RUNX3: variants seen among roughly 807,000 people sequenced by gnomAD.
RUNX3 encodes RUNX family transcription factor 3, also known as runt-related transcription factor 3.
Under a neutral mutation model 27.7 loss-of-function variants are expected in RUNX3, and 10 were observed. The observed-to-expected ratio is 0.36, with a 90% CI of 0.22 to 0.61. The LOEUF (loss-of-function observed/expected upper bound fraction) is 0.61, where lower values mean the gene tolerates loss of function less well. RUNX3 is among the 20% of genes least tolerant of loss of function. RUNX3 has a pLI of 0.72. For missense variants in RUNX3, 469 were observed against 629.5 expected (o/e 0.75, Z 2.73); for synonymous variants, 270 against 269.2 (o/e 1.00, Z -0.03).
chr1:24,956,858 G>A (rs1347628973), intron 2 of RUNX3, among the ~76,000 whole-genome samples: 2 of 152,096 alleles, frequency 1.3e-5, no homozygotes, highest in Admixed American at 6.5e-5. Context: ...TTCTCCAAGC[G>A]TTCCGTCCCC....
rs1161430632 is a variant in RUNX3 at position 24,901,040 on chromosome 1, T to G, written c.*1082A>C. ...TTGTTTTTTTTTTGTTTTTTTGTTT[T>G]TTTTTTTTTTTTGCTCAGGACTATT... On this transcript the variant is annotated 3_prime_UTR_variant, in exon 5 of 5. Coordinates refer to ENST00000308873, the MANE Select transcript of RUNX3 (RefSeq NM_004350.3). 4 of 144,568 alleles carry G rather than the reference T, an allele frequency of 2.8e-5. No homozygotes were observed. Among genetic ancestry groups the G allele is most frequent in the African/African-American group, 1.1e-4 (4 of 36,118 alleles). 9.0% of individuals were successfully genotyped at this position (144,568 alleles called of 1,614,324 possible).
At chr1:24,954,933 G>C (rs1009990368) in intron 2 of RUNX3, among the ~76,000 whole-genome samples, 4 of 152,156 alleles carry the variant, frequency 2.6e-5, no homozygotes, top group African/African-American at 7.2e-5. Flanking sequence ...GCTTGGTTCA[G>C]TCCTGGAGCC....
At chr1:24,930,377 G>A (rs1488039094), upstream of RUNX3, 2 of 324,934 alleles carry the variant, frequency 6.2e-6, no homozygotes, top group African/African-American at 2.3e-5. This position sits in a 1 kb window ranked among gnomAD's most constrained non-coding sequence, Gnocchi z 4.1. Context: ...CCCCCATCGC[G>A]GGCACCTCGG....
At chr1:24,949,505 T>G (rs1641704829) in intron 2 of RUNX3, among the ~76,000 whole-genome samples, 1 of 152,192 alleles carries the variant, frequency 6.6e-6, no homozygotes, top group Admixed American at 6.5e-5. Context: ...GGCCCCAACC[T>G]GACTCCCCAA....
Position 24,929,642 on chromosome 1 carries a change from C to G in RUNX3, c.227G>C (p.Cys76Ser). 6.2e-7 allele frequency: 1 copy of G among 1,607,346 alleles called. No homozygotes were observed. Among genetic ancestry groups the G allele is most frequent in the Non-Finnish European group, 8.5e-7 (1 of 1,178,624 alleles). ...LVRTDSPNFL[C>S]SVLPSHWRCN... ...GCGCCAGTGCGAGGGCAGCACGGAGCAGAGGAAGTTGGGGCTGTCGGTGCG... is the reference window on the plus strand; with the variant it reads ...GCGCCAGTGCGAGGGCAGCACGGAGGAGAGGAAGTTGGGGCTGTCGGTGCG... Residue 76 changes from cysteine (C) to serine (S), a missense_variant, in exon 1 of 5, where the codon TGC becomes TCC. Cys to Ser is a moderately radical substitution (Grantham distance 112, BLOSUM62 -1). Transcript: ENST00000308873.
chr1:24,918,049 C>CCGGGG (rs1557841525), intron 3 of RUNX3, among the ~76,000 whole-genome samples: 1 of 152,186 alleles, frequency 6.6e-6, no homozygotes, highest in Non-Finnish European at 1.5e-5. Context: ...AGGATGCGTG[C>CCGGGG]CGGGGCTCAG....
At chr1:24,907,773 T>TAAACCTCTACAACACGCGGTGATCC (rs1640698199) in intron 3 of RUNX3, among the ~76,000 whole-genome samples, 3 of 134,822 alleles carry the variant, frequency 2.2e-5, no homozygotes, top group Admixed American at 7.4e-5. Context: ...CGCGGTGATC[T>TAAACCTCTACAACACGCGGTGATCC]AAACCTCTAC....
chr1:24,934,758 G>A (rs1008796669), upstream of RUNX3, among the ~76,000 whole-genome samples: 1 of 152,200 alleles, frequency 6.6e-6, no homozygotes, highest in African/African-American at 2.4e-5. Flanking sequence ...ACCTGGCCAA[G>A]CATGTCAGCA....
chr1:24,929,235 C>T (rs1474900126), intron 1 of RUNX3: 1 of 540,382 alleles, frequency 1.9e-6, no homozygotes, highest in African/African-American at 1.9e-5. Context: ...TGTCCTTGCC[C>T]CTGTCCCGGG....
At chr1:24,918,304 C>T (rs138172378) in intron 3 of RUNX3, among the ~76,000 whole-genome samples, 1 of 152,288 alleles carries the variant, frequency 6.6e-6, no homozygotes, top group Admixed American at 6.5e-5. Flanking sequence ...AAGCCTGGGG[C>T]GCCTTCCTGC....
intron 2 of RUNX3, among the ~76,000 whole-genome samples, chr1:24,936,858 G>A (rs1020057570): frequency 2.0e-5 from 3 of 152,214 alleles, no homozygotes; most frequent in East Asian, 1.9e-4. Flanking sequence ...TGAAGATTGC[G>A]GCTCTATTTC....
In RUNX3 at chr1:24,943,408, G is replaced by C. The variant is rs747901038; in HGVS notation, c.59-13556C>G. Among the ~76,000 whole-genome samples the C allele has an allele frequency of 6.6e-6, 1 of 152,116 alleles. No homozygotes were observed. Among genetic ancestry groups the C allele is most frequent in the Admixed American group, 6.5e-5 (1 of 15,270 alleles). On this transcript the variant is annotated intron_variant, in intron 2 of 6. Coordinates refer to the RUNX3 transcript ENST00000338888. This position sits in a 1 kb window ranked among gnomAD's most constrained non-coding sequence, Gnocchi z 4.6. ...TAGCTCCCACTGATGGTGTGCTCAC[G>C]GTGCCAGGCACGGTTCTGAGAACTC...
At chr1:24,955,786 G>A (rs1557861513) in intron 2 of RUNX3, among the ~76,000 whole-genome samples, 1 of 152,180 alleles carries the variant, frequency 6.6e-6, no homozygotes, top group African/African-American at 2.4e-5. Flanking sequence ...TCCTGAGGCA[G>A]TCTCTCTCCA....
chr1:24,945,736 C>A (rs1447482001), intron 2 of RUNX3, among the ~76,000 whole-genome samples: 1 of 152,200 alleles, frequency 6.6e-6, no homozygotes, highest in Admixed American at 6.5e-5. Context: ...TCTCTAACAG[C>A]CCCCGGTTCC....
At position 24,904,025 on chromosome 1, in the gene RUNX3, G is replaced by T. The variant is rs1640615404; in HGVS notation, c.704-1359C>A. 6.6e-6 allele frequency among the ~76,000 whole-genome samples: 1 copy of T among 152,164 alleles called. No individual in the cohort carries two copies. Among genetic ancestry groups the T allele is most frequent in the African/African-American group, 2.4e-5 (1 of 41,444 alleles). On this transcript the variant is annotated intron_variant, in intron 4 of 4. Coordinates refer to ENST00000308873, the MANE Select transcript of RUNX3 (RefSeq NM_004350.3). The surrounding 1 kb of genome is among the most constrained non-coding windows in gnomAD (Gnocchi z 5.7). ...TGTCTCTTACTCTGGGTACCCAGGAGAACTGGCTCATTCAGGGCCCTGCCA... is the reference window on the plus strand; with the variant it reads ...TGTCTCTTACTCTGGGTACCCAGGATAACTGGCTCATTCAGGGCCCTGCCA...
intron 3 of RUNX3, among the ~76,000 whole-genome samples, chr1:24,909,155 A>C (rs961592361): frequency 7.2e-5 from 11 of 152,156 alleles, no homozygotes; most frequent in African/African-American, 2.7e-4. Flanking sequence ...GCTGAGGCCG[A>C]GGGACACTTC....
chr1:24,930,879 C>G (rs1476073180), upstream of RUNX3, among the ~76,000 whole-genome samples: 1 of 152,170 alleles, frequency 6.6e-6, no homozygotes, highest in Admixed American at 6.5e-5. The surrounding 1 kb of genome is among the most constrained non-coding windows in gnomAD (Gnocchi z 4.1). Flanking sequence ...TGGTCCCAGC[C>G]TCGGTGGCCC....
chr1:24,926,695 T>G (rs1641105714), intron 2 of RUNX3, among the ~76,000 whole-genome samples: 1 of 152,120 alleles, frequency 6.6e-6, no homozygotes, highest in Non-Finnish European at 1.5e-5. Context: ...CAGCCTGCTG[T>G]GGAGTTGGGG....
In RUNX3 at chr1:24,930,159, C is replaced by T. The variant is rs1464199290; in HGVS notation, c.-291G>A. On this transcript the variant is annotated 5_prime_UTR_variant, in exon 1 of 5. Coordinates refer to ENST00000308873, the MANE Select transcript of RUNX3 (RefSeq NM_004350.3). This position sits in a 1 kb window ranked among gnomAD's most constrained non-coding sequence, Gnocchi z 4.1. ...TCGTGGCTGTCCCGGCTGCCTGGGC[C>T]GCGGCGGGGCCCGCGCGGGGCTGTG... 4.5e-5 allele frequency: 44 copies of T among 977,114 alleles called. No homozygotes were observed. The highest frequency in any genetic ancestry group is 5.2e-5 in the Non-Finnish European group (43 of 826,482). The allele number at this position is 977,114 out of a possible 1,614,324, so 60.5% of individuals were successfully genotyped here. A position where few individuals can be genotyped will look rare whatever the true frequency, so the allele number is the denominator to read the frequency against.
Sources: allele counts gnomAD v4.1 joint callset (sites outside exome capture counted in the v4.1 genomes callset), GRCh38; gene constraint gnomAD v4.1.1; non-coding constraint Gnocchi (gnomAD v3.1); transcripts MANE v1.5; gene names NCBI Gene and HGNC (gene_info 2026-07-23, HGNC 2026-07-21).